The following ASIC2 variants were observed in gnomAD, a reference collection of about 807,000 sequenced individuals.
ASIC2 encodes acid sensing ion channel subunit 2.
Under a neutral mutation model 57.3 loss-of-function variants are expected in ASIC2, and 25 were observed. The ratio of observed to expected loss-of-function variants is 0.44; its 90% confidence interval spans 0.32 to 0.61. The LOEUF (loss-of-function observed/expected upper bound fraction) is 0.61. Among genes scored for constraint, ASIC2 ranks in the 20% least tolerant of loss-of-function variants. The pLI is 0.06. For synonymous variants in ASIC2, 319 were observed against 307.5 expected (o/e 1.04, Z -0.39); for missense variants, 641 against 738.1 (o/e 0.87, Z 1.52).
chr17:33,250,837 C>A (rs1325849638), intron 1 of ASIC2, among the ~76,000 whole-genome samples: 2 of 152,212 alleles, frequency 1.3e-5, no homozygotes, highest in Non-Finnish European at 2.9e-5. Flanking sequence ...TAGAAAAATT[C>A]TGACTAAAGG....
Position 34,060,190 on chromosome 17 carries a change from G to A in ASIC2, c.555+95788C>T, listed in dbSNP as rs148689208. 6.9e-3 allele frequency among the ~76,000 whole-genome samples: 1,054 copies of A among 152,348 alleles called. 17 individuals carry two copies. The highest frequency in any genetic ancestry group is 0.024 in the African/African-American group (986 of 41,572). On this transcript the variant is annotated intron_variant, in intron 1 of 9. Transcript: ENST00000359872. Reference sequence around the variant, plus strand: ...CAGGACCCTGTGCAGACAACCTGCAGTACCAGCCTGGAGCCAGGTAGGCTC... The same window carrying A: ...CAGGACCCTGTGCAGACAACCTGCAATACCAGCCTGGAGCCAGGTAGGCTC...
At chr17:33,143,029 A>T (rs1904387374) in intron 1 of ASIC2, among the ~76,000 whole-genome samples, 1 of 152,216 alleles carries the variant, frequency 6.6e-6, no homozygotes, top group African/African-American at 2.4e-5. Context: ...ATGAGCTGCG[A>T]GAAGAAAACA....
At chr17:33,438,594 A>G (rs1911710175) in intron 1 of ASIC2, among the ~76,000 whole-genome samples, 1 of 152,218 alleles carries the variant, frequency 6.6e-6, no homozygotes, top group East Asian at 1.9e-4. Flanking sequence ...TGAATTAGTC[A>G]TAAAAGCAGT....
intron 1 of ASIC2, among the ~76,000 whole-genome samples, chr17:33,423,285 C>T (rs186642131): frequency 6.6e-6 from 1 of 152,230 alleles, no homozygotes; most frequent in Admixed American, 6.5e-5. Flanking sequence ...TTGAGAACTA[C>T]CGGTATGGTG....
At chr17:33,141,999 A>T (rs1169224012) in intron 1 of ASIC2, among the ~76,000 whole-genome samples, 1 of 152,332 alleles carries the variant, frequency 6.6e-6, no homozygotes. Flanking sequence ...TGCAGACCCT[A>T]TTGGCATATA....
intron 1 of ASIC2, among the ~76,000 whole-genome samples, chr17:33,450,527 A>G (rs898298748): frequency 2.0e-5 from 3 of 152,194 alleles, no homozygotes; most frequent in African/African-American, 7.2e-5. Context: ...TCTGTTCCTG[A>G]AAGAGGTGCA....
chr17:33,410,225 A>G (rs1910608987), intron 1 of ASIC2, among the ~76,000 whole-genome samples: 1 of 152,266 alleles, frequency 6.6e-6, no homozygotes, highest in Admixed American at 6.5e-5. Context: ...GGGCAAAATG[A>G]TGAGGGGCCA....
At chr17:33,147,091 C>G (rs1451278673) in intron 1 of ASIC2, among the ~76,000 whole-genome samples, 1 of 152,170 alleles carries the variant, frequency 6.6e-6, no homozygotes, top group African/African-American at 2.4e-5. Flanking sequence ...TAATAACTAT[C>G]AAGTCTGGGT....
intron 1 of ASIC2, among the ~76,000 whole-genome samples, chr17:33,506,234 A>C (rs1028407390): frequency 1.7e-5 from 2 of 117,096 alleles, no homozygotes; most frequent in African/African-American, 7.0e-5. Context: ...CTCTACTAAA[A>C]ATACAAAAAA....
intron 1 of ASIC2, among the ~76,000 whole-genome samples, chr17:33,604,531 C>T (rs1905180798): frequency 6.6e-6 from 1 of 152,112 alleles, no homozygotes; most frequent in Non-Finnish European, 1.5e-5. Context: ...TTGTGGAGCA[C>T]AGGGATGGAA....
chr17:34,156,616 C>T lies in ASIC2; in HGVS notation c.-84G>A. On this transcript the variant is annotated 5_prime_UTR_variant, in exon 1 of 10. Coordinates refer to the ASIC2 transcript ENST00000359872. This position sits in a 1 kb window ranked among gnomAD's most constrained non-coding sequence, Gnocchi z 4.4. ...CCCAGTCCTCGGGCTCTGCTTAAAC[C>T]TTGACGTTCAGGGGAGAGAACGCAA... The T allele has an allele frequency of 1.4e-6, 2 of 1,417,018 alleles. No homozygotes were observed. The highest frequency in any genetic ancestry group is 2.9e-5 in the South Asian group (2 of 69,928). The allele number at this position is 1,417,018 out of a possible 1,614,324, so 87.8% of individuals were successfully genotyped here.
chr17:33,518,073 C>CAAATA, intron 1 of ASIC2, among the ~76,000 whole-genome samples: 1 of 152,136 alleles, frequency 6.6e-6, no homozygotes, highest in Admixed American at 6.5e-5. Flanking sequence ...CTATTTGCCC[C>CAAATA]TCTGATGTGC....
intron 1 of ASIC2, chr17:33,792,564 A>C (rs912638655): frequency 1.3e-5 from 2 of 152,192 alleles, no homozygotes; most frequent in Non-Finnish European, 2.9e-5. Flanking sequence ...TCAGAAGAAA[A>C]TATTTTGAAG....
At chr17:33,816,176 G>GA (rs545056074) in intron 1 of ASIC2, among the ~76,000 whole-genome samples, 5 of 150,554 alleles carry the variant, frequency 3.3e-5, no homozygotes, top group African/African-American at 4.9e-5. Context: ...CTGAAGGGGG[G>GA]GCGGGTGGGG....
At chr17:33,375,984 G>T (rs1909263162) in intron 1 of ASIC2, among the ~76,000 whole-genome samples, 1 of 152,186 alleles carries the variant, frequency 6.6e-6, no homozygotes, top group Admixed American at 6.5e-5. Context: ...TTAGACATCT[G>T]AATGGAGACG....
chr17:34,148,618 T>A (rs1904384694), intron 1 of ASIC2, among the ~76,000 whole-genome samples: 1 of 152,158 alleles, frequency 6.6e-6, no homozygotes, highest in South Asian at 2.1e-4. Flanking sequence ...GAGAAGTGGA[T>A]GGTTTTGCAA....
chr17:33,459,489 T>C (rs1045296716), intron 1 of ASIC2, among the ~76,000 whole-genome samples: 2 of 152,224 alleles, frequency 1.3e-5, no homozygotes, highest in African/African-American at 4.8e-5. Flanking sequence ...TTAGTTTTAT[T>C]TTCTGAAGGG....
chr17:33,765,113 GTTTTTTT>G (rs371277349), intron 1 of ASIC2, among the ~76,000 whole-genome samples: 1 of 148,304 alleles, frequency 6.7e-6, no homozygotes, highest in Non-Finnish European at 1.5e-5. Flanking sequence ...ATTGTTTTTT[GTTTTTTT>G]TTTGAGACGG....
intron 1 of ASIC2, among the ~76,000 whole-genome samples, chr17:33,829,947 A>C (rs1329224572): frequency 6.6e-6 from 1 of 152,184 alleles, no homozygotes; most frequent in Non-Finnish European, 1.5e-5. Context: ...GATATATAAT[A>C]ATATAGCATC....
Sources: allele counts gnomAD v4.1 joint callset (sites outside exome capture counted in the v4.1 genomes callset), GRCh38; gene constraint gnomAD v4.1.1; non-coding constraint Gnocchi (gnomAD v3.1); transcripts MANE v1.5; gene names NCBI Gene and HGNC (gene_info 2026-07-23, HGNC 2026-07-21).